INPP4B: variants seen among roughly 807,000 people sequenced by gnomAD.
INPP4B encodes the protein inositol polyphosphate-4-phosphatase type II B.
Under a neutral mutation model 122.5 loss-of-function variants are expected in INPP4B, and 55 were observed. The ratio of observed to expected loss-of-function variants is 0.45; its 90% confidence interval spans 0.36 to 0.56. INPP4B has a LOEUF of 0.56. INPP4B is among the 20% of genes least tolerant of loss of function. The probability of loss-of-function intolerance (pLI) is 0.00; values close to 1 mark genes in which losing one functional copy is unlikely to be tolerated. For synonymous variants in INPP4B, 403 were observed against 388.7 expected, an observed-to-expected ratio of 1.04 and a Z score of -0.43; for missense variants, 1,000 against 1,097.7, an observed-to-expected ratio of 0.91 and a Z score of 1.26.
intron 2 of INPP4B, among the ~76,000 whole-genome samples, chr4:142,491,537 A>C (rs1821875569): frequency 6.6e-6 from 1 of 152,168 alleles, no homozygotes; most frequent in South Asian, 2.1e-4. Context: ...CACAGTGGCA[A>C]TCCCAGCTAC....
intron 3 of INPP4B, among the ~76,000 whole-genome samples, chr4:142,452,591 A>T (rs1814542481): frequency 6.6e-6 from 1 of 152,202 alleles, no homozygotes; most frequent in African/African-American, 2.4e-5. Flanking sequence ...TGGGAACACC[A>T]AGGCTCAGAG....
chr4:142,395,737 T>A (rs1182308168), intron 7 of INPP4B, among the ~76,000 whole-genome samples: 3 of 152,062 alleles, frequency 2.0e-5, no homozygotes, highest in Admixed American at 1.3e-4. Flanking sequence ...AAATAGGAAA[T>A]CCCATAATAT....
chr4:142,204,302 A>G (rs953388037), intron 14 of INPP4B, among the ~76,000 whole-genome samples: 1 of 152,090 alleles, frequency 6.6e-6, no homozygotes, highest in Non-Finnish European at 1.5e-5. Context: ...GCTGTTATAT[A>G]TGCAATACAA....
chr4:142,624,015 G>A (rs1324192772), intron 2 of INPP4B, among the ~76,000 whole-genome samples: 1 of 152,056 alleles, frequency 6.6e-6, no homozygotes, highest in East Asian at 1.9e-4. Context: ...CGTGAATACT[G>A]CCGCAATAAA....
At chr4:142,749,797 A>G (rs1359060861) in intron 1 of INPP4B, among the ~76,000 whole-genome samples, 1 of 152,094 alleles carries the variant, frequency 6.6e-6, no homozygotes, top group East Asian at 1.9e-4. Context: ...TACAAAGTGA[A>G]AATTACTGAA....
rs555260548 is a variant in INPP4B, at chr4:142,026,284, C to G, written c.*2498G>C. On this transcript the variant is annotated 3_prime_UTR_variant, in exon 26 of 26. Transcript: ENST00000262992. ...AAGTGGTTGTTTAAGAATGAACTGC[C>G]TCTCAGGAAAAAAGCAATATTGTTG... 2.6e-5 allele frequency: 4 copies of G among 152,180 alleles called. No individual in the cohort carries two copies. The South Asian group carries it at 8.3e-4, about 32-fold the overall frequency. 9.4% of individuals were successfully genotyped at this position (152,180 alleles called of 1,614,324 possible).
At chr4:142,193,438 T>A (rs1415454850) in intron 14 of INPP4B, among the ~76,000 whole-genome samples, 1 of 152,170 alleles carries the variant, frequency 6.6e-6, no homozygotes, top group Non-Finnish European at 1.5e-5. Context: ...CTTAATTACA[T>A]GCTACAGTGT....
At chr4:142,556,960 A>G (rs1258204151) in intron 2 of INPP4B, among the ~76,000 whole-genome samples, 1 of 152,212 alleles carries the variant, frequency 6.6e-6, no homozygotes, top group African/African-American at 2.4e-5. Context: ...AGATACATCA[A>G]AACCGATACA....
intron 15 of INPP4B, among the ~76,000 whole-genome samples, chr4:142,176,541 C>T (rs182720308): frequency 3.7e-4 from 57 of 152,212 alleles, no homozygotes; most frequent in African/African-American, 1.2e-3. Flanking sequence ...TGACAGTCTC[C>T]ACTCCATTCT....
intron 9 of INPP4B, among the ~76,000 whole-genome samples, chr4:142,285,514 G>GAAGGGAGGTGACATCTCTAGT (rs1554026939): frequency 6.6e-6 from 1 of 151,840 alleles, no homozygotes; most frequent in South Asian, 2.1e-4. Flanking sequence ...GGTATACCAT[G>GAAGGGAGGTGACATCTCTAGT]TCTGAGGCCA....
At chr4:142,773,466 T>C (rs1773394779) in intron 1 of INPP4B, among the ~76,000 whole-genome samples, 1 of 152,172 alleles carries the variant, frequency 6.6e-6, no homozygotes, top group Non-Finnish European at 1.5e-5. Flanking sequence ...GCTACACATA[T>C]GCACACACAC....
intron 17 of INPP4B, among the ~76,000 whole-genome samples, chr4:142,155,055 T>C (rs553707606): frequency 1.9e-4 from 29 of 151,834 alleles, no homozygotes; most frequent in African/African-American, 7.0e-4. Context: ...CACATATATA[T>C]GCATCTATCA....
At chr4:142,524,102 G>C (rs1368493855) in intron 2 of INPP4B, among the ~76,000 whole-genome samples, 2 of 151,756 alleles carry the variant, frequency 1.3e-5, no homozygotes, top group African/African-American at 4.8e-5. Flanking sequence ...ATTGTGAATA[G>C]TGCCGCAATA....
chr4:142,267,149 A>C (rs575470472), intron 10 of INPP4B, among the ~76,000 whole-genome samples: 1 of 152,322 alleles, frequency 6.6e-6, no homozygotes, highest in East Asian at 1.9e-4. Context: ...CAATATACAG[A>C]TTAAATGAAT....
chr4:142,825,018 A>T (rs1295105875), intron 1 of INPP4B, among the ~76,000 whole-genome samples: 3 of 152,106 alleles, frequency 2.0e-5, no homozygotes, highest in African/African-American at 2.4e-5. Context: ...CAACCTTGTG[A>T]AATAGCACTG....
intron 12 of INPP4B, among the ~76,000 whole-genome samples, chr4:142,230,376 T>G (rs1011867385): frequency 2.0e-5 from 3 of 151,914 alleles, no homozygotes; most frequent in Non-Finnish European, 4.4e-5. Context: ...CCGGGAGCGG[T>G]GGCTCACATC....
rs200657873 is a variant in INPP4B at position 142,215,892 on chromosome 4, C to CAAAAAAAA, written c.837-6874_837-6867dup. 7.3e-4 allele frequency among the ~76,000 whole-genome samples: 40 copies of CAAAAAAAA among 54,574 alleles called. 3 individuals are homozygous for CAAAAAAAA. Among genetic ancestry groups the CAAAAAAAA allele is most frequent in the African/African-American group, 1.7e-3 (22 of 13,306 alleles). The allele number at this position is 54,574 out of a possible 152,430, so 35.8% of individuals were successfully genotyped here. The stretch of plus-strand genomic sequence containing the variant: ...TGGGCAACAGACCAAGACTCTGTCT[C>CAAAAAAAA]AAAAAAAAAAAAAAAAAAAAAAAAA... On this transcript the variant is annotated intron_variant, in intron 12 of 25. Coordinates refer to ENST00000262992, the MANE Select transcript of INPP4B (RefSeq NM_001101669.3).
At chr4:142,475,319 AAAAC>A (rs1013134712) in intron 2 of INPP4B, among the ~76,000 whole-genome samples, 30 of 152,260 alleles carry the variant, frequency 2.0e-4, no homozygotes, top group African/African-American at 7.0e-4. Flanking sequence ...AAAACAAAAC[AAAAC>A]AAACAAAAAA....
intron 9 of INPP4B, among the ~76,000 whole-genome samples, chr4:142,304,646 A>G (rs1762678706): frequency 6.6e-6 from 1 of 152,136 alleles, no homozygotes; most frequent in African/African-American, 2.4e-5. Context: ...CAATTCCTTG[A>G]AAGTGGTCTC....
Sources: gnomAD v4.1 joint callset for allele counts (sites outside exome capture counted in the v4.1 genomes callset) on GRCh38, gnomAD v4.1.1 for gene constraint, MANE v1.5 for transcripts, NCBI Gene and HGNC (gene_info 2026-07-23, HGNC 2026-07-21) for gene names.